TSHZ2: variants seen among roughly 807,000 people sequenced by gnomAD.
TSHZ2 encodes teashirt zinc finger homeobox 2, also known as teashirt homolog 2.
Under a neutral mutation model 74.4 loss-of-function variants are expected in TSHZ2, and 21 were observed. The ratio of observed to expected loss-of-function variants is 0.28; its 90% CI spans 0.20 to 0.41. The LOEUF is 0.41. TSHZ2 is among the 10% of genes least tolerant of loss of function. TSHZ2 has a pLI of 1.00. For missense variants in TSHZ2, 1,244 were observed against 1,293.5 expected, an observed-to-expected ratio of 0.96 and a Z score of 0.59; for synonymous variants, 540 against 515.3, an observed-to-expected ratio of 1.05 and a Z score of -0.65.
At chr20:53,382,109 G>A (rs1003245808) in intron 2 of TSHZ2, among the ~76,000 whole-genome samples, 7 of 152,100 alleles carry the variant, frequency 4.6e-5, no homozygotes, top group African/African-American at 9.7e-5. Context: ...ACTTACCTGC[G>A]GAATCTTTCC....
chr20:53,345,253 C>T (rs1365171715), intron 2 of TSHZ2, among the ~76,000 whole-genome samples: 1 of 152,050 alleles, frequency 6.6e-6, no homozygotes, highest in Non-Finnish European at 1.5e-5. Flanking sequence ...GGGGACAGCA[C>T]AGGTGAGATG....
intron 2 of TSHZ2, among the ~76,000 whole-genome samples, chr20:53,459,881 TG>T: frequency 6.6e-6 from 1 of 152,244 alleles, no homozygotes; most frequent in Middle Eastern, 3.4e-3. Context: ...TGTTGAATAT[TG>T]GCCCCCACTC....
rs1002261506 is a variant in TSHZ2 at position 53,123,226 on chromosome 20, A to T, written c.41-130273A>T. Among the ~76,000 whole-genome samples, 3 of 152,244 alleles carry T rather than the reference A, an allele frequency of 2.0e-5. No individual in the cohort carries two copies. In the East Asian group the frequency reaches 5.8e-4, roughly 29 times the overall value. On this transcript the variant is annotated intron_variant, in intron 1 of 2. Coordinates refer to ENST00000371497, the MANE Select transcript of TSHZ2 (RefSeq NM_173485.6). ...CGTGTCAGTTATCTATTGACAGGAC[A>T]GTGCTCCATAACCAAAACCTCCAAA...
At chr20:53,484,384 T>C (rs1478403086) in intron 2 of TSHZ2, among the ~76,000 whole-genome samples, 29 of 54,736 alleles carry the variant, frequency 5.3e-4, no homozygotes, top group African/African-American at 2.0e-3. Context: ...ATCTCTCTCT[T>C]TTTTTTTTTT....
At chr20:53,191,296 C>A (rs1426675966) in intron 1 of TSHZ2, among the ~76,000 whole-genome samples, 1 of 152,050 alleles carries the variant, frequency 6.6e-6, no homozygotes, top group African/African-American at 2.4e-5. Context: ...TCATGGTCAG[C>A]CTCAATTAAG....
At chr20:53,107,718 TG>T (rs1395268151) in intron 1 of TSHZ2, among the ~76,000 whole-genome samples, 2 of 152,318 alleles carry the variant, frequency 1.3e-5, no homozygotes, top group East Asian at 3.9e-4. Flanking sequence ...CAACAGGTCA[TG>T]GGTGGGAGAC....
At chr20:53,108,957 C>T (rs1056712603) in intron 1 of TSHZ2, among the ~76,000 whole-genome samples, 1 of 152,108 alleles carries the variant, frequency 6.6e-6, no homozygotes, top group East Asian at 1.9e-4. Flanking sequence ...GCCCCTCCAC[C>T]CTCTACCCTC....
Position 53,431,073 on chromosome 20 carries a change from C to T in TSHZ2, c.*9-56071C>T, listed in dbSNP as rs182651707. Among the ~76,000 whole-genome samples the T allele has an allele frequency of 5.9e-4, 90 of 151,326 alleles. 1 individual carries two copies. The highest frequency in any genetic ancestry group is 2.0e-3 in the African/African-American group (82 of 41,374). ...GATTTAGTTTTTAATTCACATTTTA[C>T]GATGTGGATAACTGAAATCCAGAAC... On this transcript the variant is annotated intron_variant, in intron 2 of 2. Transcript: ENST00000371497.
intron 2 of TSHZ2, among the ~76,000 whole-genome samples, chr20:53,347,499 C>G (rs549097456): frequency 6.6e-6 from 1 of 152,150 alleles, no homozygotes; most frequent in African/African-American, 2.4e-5. Flanking sequence ...TATCCACCCC[C>G]CAACTCCTTA....
At chr20:53,345,640 C>T (rs577389510) in intron 2 of TSHZ2, among the ~76,000 whole-genome samples, 11 of 152,002 alleles carry the variant, frequency 7.2e-5, no homozygotes, top group Non-Finnish European at 1.5e-4. Context: ...TAGAGTTTGC[C>T]GAGTGCACAT....
intron 1 of TSHZ2, among the ~76,000 whole-genome samples, chr20:53,013,192 TTCTC>T (rs763949097): frequency 1.3e-5 from 2 of 152,186 alleles, no homozygotes; most frequent in Non-Finnish European, 2.9e-5. Context: ...AGCCATGTCT[TTCTC>T]TCCTTTGAGT....
intron 2 of TSHZ2, among the ~76,000 whole-genome samples, chr20:53,370,280 C>T (rs1319426562): frequency 6.6e-6 from 1 of 152,136 alleles, no homozygotes; most frequent in African/African-American, 2.4e-5. Flanking sequence ...AGGTGGACTT[C>T]CCGGAGGAGG....
chr20:53,116,289 G>A (rs535068372), intron 1 of TSHZ2, among the ~76,000 whole-genome samples: 1 of 152,340 alleles, frequency 6.6e-6, no homozygotes, highest in Admixed American at 6.5e-5. Flanking sequence ...GTGTTTGACT[G>A]TGTAGCTCAT....
At chr20:53,351,550 A>G (rs1980647263) in intron 2 of TSHZ2, among the ~76,000 whole-genome samples, 1 of 152,248 alleles carries the variant, frequency 6.6e-6, no homozygotes, top group Non-Finnish European at 1.5e-5. Flanking sequence ...ATTATCATCA[A>G]TCCAAAATTT....
intron 2 of TSHZ2, among the ~76,000 whole-genome samples, chr20:53,280,610 T>G (rs1991036787): frequency 6.6e-6 from 1 of 152,102 alleles, no homozygotes; most frequent in African/African-American, 2.4e-5. Flanking sequence ...GTATTTTTGA[T>G]TCTTCTCATC....
intron 2 of TSHZ2, among the ~76,000 whole-genome samples, chr20:53,410,037 G>A (rs1982997697): frequency 6.6e-6 from 1 of 151,764 alleles, no homozygotes; most frequent in Admixed American, 6.6e-5. Flanking sequence ...AGTAGAGACA[G>A]GGTTTCACCA....
chr20:53,187,053 G>A (rs1214717224), intron 1 of TSHZ2, among the ~76,000 whole-genome samples: 2 of 152,122 alleles, frequency 1.3e-5, no homozygotes, highest in Non-Finnish European at 2.9e-5. Flanking sequence ...TTAAGCTGTG[G>A]AGGGAGCAAC....
chr20:53,013,794 G>A (rs991154237), intron 1 of TSHZ2, among the ~76,000 whole-genome samples: 7 of 152,160 alleles, frequency 4.6e-5, no homozygotes, highest in African/African-American at 1.4e-4. Context: ...GCTTTCTATT[G>A]CCTATGTGGT....
chr20:53,184,477 A>G (rs1279295551), intron 1 of TSHZ2, among the ~76,000 whole-genome samples: 5 of 152,190 alleles, frequency 3.3e-5, no homozygotes, highest in Non-Finnish European at 7.3e-5. Context: ...GACAGAAGCA[A>G]AATGTGAATT....
Sources: gnomAD v4.1 joint callset for allele counts (sites outside exome capture counted in the v4.1 genomes callset) on GRCh38, gnomAD v4.1.1 for gene constraint, MANE v1.5 for transcripts, NCBI Gene and HGNC (gene_info 2026-07-23, HGNC 2026-07-21) for gene names.